Variants in MCF2L2 observed in about 807,000 individuals in gnomAD.
MCF2L2 encodes the protein probable guanine nucleotide exchange factor MCF2L2.
A neutral mutation model predicts 150.2 loss-of-function variants in MCF2L2; 102 were observed. The ratio of observed to expected loss-of-function variants is 0.68; its 90% CI spans 0.58 to 0.80. The LOEUF (loss-of-function observed/expected upper bound fraction) is 0.80, where lower values mean the gene tolerates loss of function less well. MCF2L2 is among the 30% of genes least tolerant of loss of function. The pLI is 0.00. For missense variants in MCF2L2, 1,256 were observed against 1,372.8 expected, an observed-to-expected ratio of 0.91 and a Z score of 1.34; for synonymous variants, 465 against 491.3, an observed-to-expected ratio of 0.95 and a Z score of 0.71.
chr3:183,309,572 C>G (rs1729266767), intron 10 of MCF2L2, 144 bp downstream of exon 10: 1 of 977,876 alleles, frequency 1.0e-6, no homozygotes, highest in Non-Finnish European at 1.6e-6. Flanking sequence ...ATGTGCCTCT[C>G]TCCTTGGGAT....
At chr3:183,353,252 A>T (rs1202035912) in intron 3 of MCF2L2, among the ~76,000 whole-genome samples, 1 of 152,220 alleles carries the variant, frequency 6.6e-6, no homozygotes, top group African/African-American at 2.4e-5. Flanking sequence ...ACACTCATTC[A>T]TAGAAAAGAC....
intron 3 of MCF2L2, among the ~76,000 whole-genome samples, chr3:183,349,140 G>A: frequency 6.6e-6 from 1 of 152,066 alleles, no homozygotes; most frequent in African/African-American, 2.4e-5. Flanking sequence ...TGATCACCAT[G>A]GAATTAAACT....
intron 22 of MCF2L2, among the ~76,000 whole-genome samples, chr3:183,209,892 T>C (rs1369153117): frequency 1.3e-5 from 2 of 152,030 alleles, no homozygotes; most frequent in Non-Finnish European, 2.9e-5. Context: ...GGGTTCCATC[T>C]GCAACATAAC....
chr3:183,228,274 A>G, intron 18 of MCF2L2, 23 bp downstream of exon 18: 1 of 1,588,860 alleles, frequency 6.3e-7, no homozygotes, highest in East Asian at 2.2e-5. Context: ...TAACATGATT[A>G]TTTACTGGGA....
chr3:183,205,251 C>T (rs1253002860), intron 25 of MCF2L2, among the ~76,000 whole-genome samples: 1 of 152,104 alleles, frequency 6.6e-6, no homozygotes, highest in Non-Finnish European at 1.5e-5. Context: ...TGTTGGCGCG[C>T]CTGTAGTCCC....
At chr3:183,223,588 C>T in intron 19 of MCF2L2, 150 bp from the exon 20 acceptor site, 1 of 626,190 alleles carries the variant, frequency 1.6e-6, no homozygotes, top group Non-Finnish European at 2.9e-6. Context: ...TGGGGTTGTT[C>T]TTTCCCCTAG....
intron 15 of MCF2L2, among the ~76,000 whole-genome samples, chr3:183,247,233 G>C (rs1306374705): frequency 6.6e-6 from 1 of 152,204 alleles, no homozygotes; most frequent in Non-Finnish European, 1.5e-5. Flanking sequence ...TGTCGAGCAT[G>C]AATGTCAGTC....
chr3:183,222,269 T>C (rs1476102285), intron 20 of MCF2L2, among the ~76,000 whole-genome samples: 1 of 152,172 alleles, frequency 6.6e-6, no homozygotes, highest in African/African-American at 2.4e-5. Context: ...GTATGTCTGA[T>C]TGTGGAGATT....
chr3:183,376,246 G>C (rs750531516), intron 3 of MCF2L2: 3 of 152,212 alleles, frequency 2.0e-5, no homozygotes, highest in Non-Finnish European at 4.4e-5. Context: ...ACACAGTCCG[G>C]GGGGCTGAGC....
rs1036607850 is a variant in MCF2L2, at chr3:183,305,598, C to A, written c.1113+4118G>T. Among the ~76,000 whole-genome samples, 6 of 152,186 alleles carry A rather than the reference C, an allele frequency of 3.9e-5. No individual in the cohort carries two copies. The highest frequency in any genetic ancestry group is 1.4e-4 in the African/African-American group (6 of 41,440). ...GGGCGCAGTGGGTCACGCCTGTAAT[C>A]CCAGCACTTTGGGAAGCCAAGGCCG... On this transcript the variant is annotated intron_variant, in intron 10 of 29. Transcript: ENST00000328913. The surrounding 1 kb of genome is among the most constrained non-coding windows in gnomAD (Gnocchi z 4.1).
rs1405714369 is a variant in MCF2L2, at chr3:183,216,083, C to T, written c.2382G>A (p.Lys794=). 3.1e-6 allele frequency: 5 copies of T among 1,613,700 alleles called. No individual in the cohort carries two copies. Among genetic ancestry groups the T allele is most frequent in the Non-Finnish European group, 4.2e-6 (5 of 1,179,806 alleles). ...TTGAGAATGCTGAATCTTTGGTTCT[C>T]TTTGGCCCATCCTGTGGAAAACAAA... ...ELGGSAKDGP[K]RTKDSAFSTE... The change falls in exon 22 of 30, where the codon AAG becomes AAA. Residue 794 remains lysine, a synonymous_variant. Coordinates refer to ENST00000328913, the MANE Select transcript of MCF2L2 (RefSeq NM_015078.4).
intron 22 of MCF2L2, among the ~76,000 whole-genome samples, chr3:183,209,708 C>T (rs748810636): frequency 6.6e-6 from 1 of 152,056 alleles, no homozygotes; most frequent in Non-Finnish European, 1.5e-5. Context: ...AGGCTGGTCT[C>T]GAACTCCTGA....
chr3:183,287,743 C>T (rs1727876735), intron 14 of MCF2L2: 1 of 152,162 alleles, frequency 6.6e-6, no homozygotes. Flanking sequence ...GATGACTAAA[C>T]AAATTGGCAA....
chr3:183,274,398 T>C, intron 15 of MCF2L2, among the ~76,000 whole-genome samples: 1 of 152,194 alleles, frequency 6.6e-6, no homozygotes, highest in East Asian at 1.9e-4. Flanking sequence ...TTAACCCTAA[T>C]CTCTTAATAT....
chr3:183,199,492 AGT>A (rs763037924), intron 25 of MCF2L2, among the ~76,000 whole-genome samples: 19 of 152,326 alleles, frequency 1.2e-4, no homozygotes, highest in South Asian at 2.1e-4. Context: ...AAAGGAGTAC[AGT>A]GTGTGACATC....
chr3:183,388,533 T>C (rs1356849569), intron 2 of MCF2L2, among the ~76,000 whole-genome samples: 1 of 152,216 alleles, frequency 6.6e-6, no homozygotes, highest in Non-Finnish European at 1.5e-5. Flanking sequence ...CCTCGCAGAA[T>C]AGACCACAGG....
chr3:183,335,702 TA>T (rs113570971), intron 5 of MCF2L2, among the ~76,000 whole-genome samples: 2,480 of 151,436 alleles, frequency 0.016, 44 homozygotes, highest in Non-Finnish European at 0.019. Context: ...ACCCCCTCTC[TA>T]AAAAAAATTA....
At chr3:183,311,902 C>T in intron 7 of MCF2L2, 130 bp from the exon 8 acceptor site, 1 of 742,184 alleles carries the variant, frequency 1.3e-6, no homozygotes, top group Non-Finnish European at 2.1e-6. Flanking sequence ...AGTCAAGATG[C>T]AGCTTTAATC....
rs1266239987 is a variant in MCF2L2 at position 183,227,241 on chromosome 3, C to G, written c.2115+1056G>C. On this transcript the variant is annotated intron_variant, in intron 18 of 29. Coordinates refer to ENST00000328913, the MANE Select transcript of MCF2L2 (RefSeq NM_015078.4). The surrounding 1 kb of genome is among the most constrained non-coding windows in gnomAD (Gnocchi z 4.0). Reference sequence around the variant, plus strand: ...TCCATGGTCGTGTCCTAGAAAGTACCTGGTGGGGATTGATGTTGGGTGGAA... The same window carrying G: ...TCCATGGTCGTGTCCTAGAAAGTACGTGGTGGGGATTGATGTTGGGTGGAA... The G allele has an allele frequency of 6.6e-6, 1 of 152,108 alleles. No individual in the cohort carries two copies. Among genetic ancestry groups the G allele is most frequent in the Non-Finnish European group, 1.5e-5 (1 of 68,058 alleles). 9.4% of individuals were successfully genotyped at this position (152,108 alleles called of 1,614,324 possible).
Sources: gnomAD v4.1 joint callset for allele counts (sites outside exome capture counted in the v4.1 genomes callset) on GRCh38, gnomAD v4.1.1 for gene constraint, Gnocchi (gnomAD v3.1) non-coding constraint, MANE v1.5 for transcripts, NCBI Gene and HGNC (gene_info 2026-07-23, HGNC 2026-07-21) for gene names.